KIF20B: variants seen among roughly 807,000 people sequenced by gnomAD.
KIF20B encodes the protein kinesin-like protein KIF20B.
Under a neutral mutation model 232.5 loss-of-function variants are expected in KIF20B, and 188 were observed. The observed-to-expected ratio is 0.81, with a 90% confidence interval of 0.72 to 0.91. KIF20B has a LOEUF of 0.91. Ranked by LOEUF, KIF20B falls within the 40% of genes least tolerant of loss-of-function variation. KIF20B has a pLI of 0.00. For synonymous variants in KIF20B, 712 were observed against 683.0 expected (o/e 1.04, Z -0.66); for missense variants, 2,154 against 2,055.9 (o/e 1.05, Z -0.92).
rs183975582 is a variant in KIF20B, at chr10:89,770,376, A to G, written c.5242+1488A>G. 2.3e-3 allele frequency among the ~76,000 whole-genome samples: 354 copies of G among 152,136 alleles called. 2 individuals are homozygous for G. Among genetic ancestry groups the G allele is most frequent in the African/African-American group, 8.1e-3 (338 of 41,538 alleles). ...AAAAAATGTGTTTGTATAAACAGAA[A>G]ATATCTGGAGGGACAAACAGCAAAC... On this transcript the variant is annotated intron_variant, in intron 31 of 32. Transcript: ENST00000371728.
At chr10:89,716,629 A>G in intron 9 of KIF20B, 82 bp downstream of exon 9, 3 of 718,310 alleles carry the variant, frequency 4.2e-6, no homozygotes, top group South Asian at 3.4e-5. Context: ...TTTTACATTA[A>G]AGTGGGCAGT....
At chr10:89,720,132 A>C (rs7069937) in intron 13 of KIF20B, among the ~76,000 whole-genome samples, 117,692 of 152,098 alleles carry the variant, frequency 0.77, 45,863 homozygotes, top group South Asian at 0.93. Flanking sequence ...CCAGTGTTCC[A>C]AATATGTTCT....
chr10:89,756,778 T>C (rs1215688295), intron 26 of KIF20B, among the ~76,000 whole-genome samples: 1 of 152,090 alleles, frequency 6.6e-6, no homozygotes, highest in Non-Finnish European at 1.5e-5. Flanking sequence ...ATGAATACAT[T>C]TGATTGTACC....
chr10:89,757,051 TATATATATATATATATATACAC>T (rs1264831802), intron 26 of KIF20B, among the ~76,000 whole-genome samples: 9 of 134,974 alleles, frequency 6.7e-5, no homozygotes, highest in Non-Finnish European at 1.4e-4. Context: ...TATATATATA[TATATATATATATATATATACAC>T]ACATGACAAT....
At chr10:89,752,902 A>T (rs1842049176) in intron 25 of KIF20B, among the ~76,000 whole-genome samples, 2 of 152,164 alleles carry the variant, frequency 1.3e-5, no homozygotes. Context: ...AGTGCCAGTG[A>T]AATATAGTGA....
At position 89,717,466 on chromosome 10, in the gene KIF20B, T is replaced by C. The variant is rs985243153; in HGVS notation, c.1095T>C (p.Ser365=). 1 of 1,597,212 alleles carries C rather than the reference T, an allele frequency of 6.3e-7. No homozygotes were observed. The highest frequency in any genetic ancestry group is 1.1e-5 in the South Asian group (1 of 89,982). The change falls in exon 10 of 33, where the codon TCT becomes TCC. Residue 365 remains serine (S), a synonymous_variant. Transcript: ENST00000371728. ...FTVKILQIED[S]EMSRVIRVSE... ...TTAAAATATTACAGATTGAAGATTCTGAAATGTCTCGTGTAATTCGAGTCA... is the reference window on the plus strand; with the variant it reads ...TTAAAATATTACAGATTGAAGATTCCGAAATGTCTCGTGTAATTCGAGTCA...
intron 18 of KIF20B, among the ~76,000 whole-genome samples, chr10:89,732,092 T>C (rs1185387574): frequency 6.6e-6 from 1 of 151,366 alleles, no homozygotes; most frequent in Non-Finnish European, 1.5e-5. Flanking sequence ...TTATACCCTT[T>C]TTTTGGAAGT....
intron 15 of KIF20B, among the ~76,000 whole-genome samples, chr10:89,725,702 T>TG: frequency 6.6e-6 from 1 of 152,324 alleles, no homozygotes; most frequent in East Asian, 1.9e-4. Flanking sequence ...GCCTCCCAGG[T>TG]GGCTGAGATT....
intron 18 of KIF20B, among the ~76,000 whole-genome samples, chr10:89,729,848 T>A (rs1173911207): frequency 6.6e-6 from 1 of 152,202 alleles, no homozygotes; most frequent in Non-Finnish European, 1.5e-5. Flanking sequence ...TTGGTTTTCT[T>A]TTTTTGGGGT....
At chr10:89,714,132 A>G in intron 7 of KIF20B, 49 bp downstream of exon 7, 1 of 1,023,552 alleles carries the variant, frequency 9.8e-7, no homozygotes, top group Non-Finnish European at 1.4e-6. Flanking sequence ...TATATGAAGT[A>G]CACTTGAAAA....
chr10:89,771,015 A>G lies in KIF20B; in HGVS notation c.5243-1674A>G, dbSNP rs76176941. ...ATCCTGCTAACTTCTGACAGTTCCT[A>G]GAATTTGCCAGCTTCTTTCTTACCT... On this transcript the variant is annotated intron_variant, in intron 31 of 32. Coordinates refer to ENST00000371728, the MANE Select transcript of KIF20B (RefSeq NM_001284259.2). Among the ~76,000 whole-genome samples, 873 of 152,134 alleles carry G rather than the reference A, an allele frequency of 5.7e-3. 6 individuals carry two copies. The highest frequency in any genetic ancestry group is 9.8e-3 in the Non-Finnish European group (663 of 67,972).
rs1348969834 is a variant in KIF20B at position 89,762,795 on chromosome 10, T to A, written c.4949T>A (p.Ile1650Asn). Reference sequence around the variant, plus strand: ...TGTACCACACCAGTGACAGTTAAGATTCCCAAGGCTCGGAAGAGGAAGAGT... The same window carrying A: ...TGTACCACACCAGTGACAGTTAAGAATCCCAAGGCTCGGAAGAGGAAGAGT... The part of the protein sequence containing the change: ...PGCTTPVTVK[I>N]PKARKRKSNE... The change falls in exon 29 of 33, where the codon ATT becomes AAT. Residue 1650 changes from isoleucine to asparagine, a missense_variant. By Grantham distance (149) the Ile-to-Asn change is moderately radical (BLOSUM62 -3). Coordinates refer to ENST00000371728, the MANE Select transcript of KIF20B (RefSeq NM_001284259.2). 2.9e-5 allele frequency: 47 copies of A among 1,613,038 alleles called. No individual in the cohort carries two copies. The highest frequency in any genetic ancestry group is 3.8e-5 in the Non-Finnish European group (45 of 1,179,406).
chr10:89,739,555 A>T (rs533707230), intron 21 of KIF20B, among the ~76,000 whole-genome samples: 46,354 of 150,932 alleles, frequency 0.31, 8,020 homozygotes, highest in African/African-American at 0.46. Context: ...ACAGCATCAA[A>T]TGTTACCAAT....
In KIF20B at chr10:89,765,214, G is replaced by A. The variant is rs191439054; in HGVS notation, c.4989+2379G>A. Among the ~76,000 whole-genome samples, 469 of 152,074 alleles carry A rather than the reference G, an allele frequency of 3.1e-3. 3 individuals are homozygous for A. Among genetic ancestry groups the A allele is most frequent in the African/African-American group, 0.01 (429 of 41,514 alleles). On this transcript the variant is annotated intron_variant, in intron 29 of 32. Transcript: ENST00000371728. The stretch of plus-strand genomic sequence containing the variant: ...GATCAGATAGTTGTAGATATGCGGC[G>A]TTATTTCACAAGCATTCTTATACAC...
intron 2 of KIF20B, among the ~76,000 whole-genome samples, chr10:89,708,344 T>C (rs893339497): frequency 1.3e-5 from 2 of 152,098 alleles, no homozygotes; most frequent in African/African-American, 4.8e-5. Flanking sequence ...CCCAAGTAGC[T>C]GGGATTACAG....
chr10:89,727,058 T>G lies in KIF20B; in HGVS notation c.2230+537T>G, dbSNP rs187204387. 6.6e-5 allele frequency among the ~76,000 whole-genome samples: 10 copies of G among 151,998 alleles called. No individual in the cohort carries two copies. The East Asian group carries it at 1.9e-3, about 29-fold the overall frequency. ...ACTCCTAGGCTCAAGTGATACTGCC[T>G]GCCTCGGCCTCCCAAAGTGCTGGGA... On this transcript the variant is annotated intron_variant, in intron 16 of 32. Transcript: ENST00000371728.
At position 89,717,715 on chromosome 10, in the gene KIF20B, A is replaced by G. The variant is rs1246918973; in HGVS notation, c.1264A>G (p.Lys422Glu). 1 of 1,584,828 alleles carries G rather than the reference A, an allele frequency of 6.3e-7. No individual in the cohort carries two copies. The highest frequency in any genetic ancestry group is 1.8e-5 in the Admixed American group (1 of 55,084). Residue 422 changes from lysine to glutamate, a missense_variant, in exon 11 of 33, where the codon AAG becomes GAG. Coordinates refer to ENST00000371728, the MANE Select transcript of KIF20B (RefSeq NM_001284259.2). Reference protein sequence around the residue: ...KCINVLKNSEKSKFQQHVPFR... With the variant: ...KCINVLKNSEESKFQQHVPFR... ...TATTAACGTCTTGAAGAATAGTGAA[A>G]AGTCAAAGTAAGTGTTTCTGAAAGT... is the stretch of plus-strand genomic sequence containing the variant.
At chr10:89,768,914 C>T (rs1842416144) in intron 31 of KIF20B, 26 bp downstream of exon 31, 1 of 1,561,180 alleles carries the variant, frequency 6.4e-7, no homozygotes, top group African/African-American at 1.4e-5. Flanking sequence ...ATTAAATGAC[C>T]TTTTTTTGTT....
intron 27 of KIF20B, 96 bp from the exon 28 acceptor site, chr10:89,760,430 T>G: frequency 1.3e-6 from 1 of 745,304 alleles, no homozygotes; most frequent in South Asian, 1.8e-5. Context: ...TTGTTTAGTT[T>G]CATACAAATC....
Sources: gnomAD v4.1 joint callset for allele counts (sites outside exome capture counted in the v4.1 genomes callset) on GRCh38, gnomAD v4.1.1 for gene constraint, MANE v1.5 for transcripts, NCBI Gene and HGNC (gene_info 2026-07-23, HGNC 2026-07-21) for gene names.